SCFD1: variants seen among roughly 807,000 people sequenced by gnomAD.
The protein encoded by SCFD1 is sec1 family domain-containing protein 1.
In SCFD1, 37 loss-of-function variants were observed where a neutral mutation model predicts 103.2. The observed-to-expected ratio is 0.36, with a 90% CI of 0.28 to 0.47. SCFD1 has a LOEUF of 0.47. SCFD1 is among the 20% of genes least tolerant of loss of function. SCFD1 has a pLI of 1.00. For missense variants in SCFD1, 639 were observed against 761.2 expected (o/e 0.84, Z 1.89); for synonymous variants, 264 against 245.0 (o/e 1.08, Z -0.73).
Position 30,639,816 on chromosome 14 carries a change from G to A in SCFD1, c.475G>A (p.Asp159Asn), listed in dbSNP as rs1885087895. 6.3e-7 allele frequency: 1 copy of A among 1,579,204 alleles called. No homozygotes were observed. Among genetic ancestry groups the A allele is most frequent in the African/African-American group, 1.4e-5 (1 of 73,360 alleles). Residue 159 changes from aspartate (D) to asparagine (N), a missense_variant, in exon 6 of 25, where the codon GAT becomes AAT. By Grantham distance (23) the Asp-to-Asn change is conservative (BLOSUM62 1). Transcript: ENST00000458591. ...TCTCAATTTTATTACTTTGGAAGAT[G>A]ATATGTTTGTATTATGTAATCAAAA... is the stretch of plus-strand genomic sequence containing the variant. Reference protein sequence around the residue: ...QYLNFITLEDDMFVLCNQNKE... With the variant: ...QYLNFITLEDNMFVLCNQNKE...
chr14:30,673,734 A>T (rs17363198), intron 12 of SCFD1, among the ~76,000 whole-genome samples, 190 bp from the exon 13 acceptor site: 2,950 of 152,284 alleles, frequency 0.019, 52 homozygotes, highest in Middle Eastern at 0.034. Context: ...GGCGATTACT[A>T]GAACTTTTAT....
intron 10 of SCFD1, among the ~76,000 whole-genome samples, chr14:30,669,445 T>C (rs1888330704): frequency 6.6e-6 from 1 of 152,096 alleles, no homozygotes; most frequent in Non-Finnish European, 1.5e-5. Flanking sequence ...AACCCATAGA[T>C]GTAATGCAAG....
intron 10 of SCFD1, among the ~76,000 whole-genome samples, chr14:30,667,137 A>G (rs1428830210): frequency 6.6e-6 from 1 of 152,242 alleles, no homozygotes; most frequent in African/African-American, 2.4e-5. Context: ...CCTGATGAAC[A>G]TCAATGCGAA....
intron 14 of SCFD1, among the ~76,000 whole-genome samples, chr14:30,694,456 G>A (rs764737109): frequency 6.6e-5 from 10 of 151,986 alleles, no homozygotes; most frequent in Admixed American, 2.6e-4. Flanking sequence ...CAGATTGCTT[G>A]AGCTCAGGAG....
chr14:30,637,580 A>G (rs229161), intron 4 of SCFD1, among the ~76,000 whole-genome samples: 74,953 of 151,968 alleles, frequency 0.49, 21,487 homozygotes, highest in African/African-American at 0.79. Context: ...TCTTAGATTT[A>G]AGGAAGTATG....
At chr14:30,676,011 G>A (rs944774293) in intron 14 of SCFD1, 1 of 152,136 alleles carries the variant, frequency 6.6e-6, no homozygotes, top group African/African-American at 2.4e-5. Context: ...CAGAACTGCA[G>A]TCTGTAGGTG....
chr14:30,639,941 T>C, intron 6 of SCFD1, 77 bp downstream of exon 6: 1 of 1,440,026 alleles, frequency 6.9e-7, no homozygotes, highest in Non-Finnish European at 9.2e-7. Context: ...GTGAATATGT[T>C]TAATGGACTT....
intron 10 of SCFD1, among the ~76,000 whole-genome samples, chr14:30,655,243 A>T (rs903743876): frequency 2.0e-5 from 3 of 152,228 alleles, no homozygotes; most frequent in Non-Finnish European, 1.5e-5. Context: ...GAGGTAAGGT[A>T]GTGAATTATA....
chr14:30,706,418 T>G (rs1247287032), intron 18 of SCFD1, among the ~76,000 whole-genome samples: 1 of 152,206 alleles, frequency 6.6e-6, no homozygotes, highest in Non-Finnish European at 1.5e-5. Context: ...GGGGTACTTT[T>G]CTTTATTTTC....
intron 8 of SCFD1, among the ~76,000 whole-genome samples, chr14:30,650,050 A>T (rs73251177): frequency 0.017 from 2,533 of 152,312 alleles, 93 homozygotes; most frequent in African/African-American, 0.057. Context: ...TGAGTAAGGG[A>T]TTAGAGAAAT....
Position 30,682,448 on chromosome 14 carries a change from T to C in SCFD1, c.1242+7383T>C, listed in dbSNP as rs190176660. On this transcript the variant is annotated intron_variant, in intron 14 of 24. Coordinates refer to ENST00000458591, the MANE Select transcript of SCFD1 (RefSeq NM_016106.4). ...ATTTTTTGTAACATAATTTTTCACA[T>C]TGACAAATCCATGCATATAGTGGCA... Among the ~76,000 whole-genome samples the C allele has an allele frequency of 1.7e-3, 254 of 152,324 alleles. 2 individuals are homozygous for C. Among genetic ancestry groups the C allele is most frequent in the Middle Eastern group, 0.014 (4 of 294 alleles).
chr14:30,716,433 A>G (rs1892282275), intron 20 of SCFD1, among the ~76,000 whole-genome samples: 1 of 152,216 alleles, frequency 6.6e-6, no homozygotes, highest in African/African-American at 2.4e-5. Context: ...TAAATTGACA[A>G]TGAAATCATT....
intron 3 of SCFD1, chr14:30,631,006 C>T (rs1421822748): frequency 6.3e-6 from 1 of 159,136 alleles, no homozygotes; most frequent in Admixed American, 6.3e-5. Context: ...TCAGCATGCT[C>T]AGAATACTTA....
intron 19 of SCFD1, among the ~76,000 whole-genome samples, chr14:30,713,578 A>G (rs1373363911): frequency 6.6e-6 from 1 of 152,214 alleles, no homozygotes; most frequent in Non-Finnish European, 1.5e-5. Context: ...CTCATTTTAG[A>G]CTAAATAAAG....
intron 6 of SCFD1, among the ~76,000 whole-genome samples, chr14:30,640,398 T>A (rs1380939820): frequency 6.6e-6 from 1 of 152,166 alleles, no homozygotes; most frequent in African/African-American, 2.4e-5. Context: ...TTCACAGAAA[T>A]CTATTTACAG....
chr14:30,691,023 A>C (rs959783780), intron 14 of SCFD1, among the ~76,000 whole-genome samples: 1 of 152,214 alleles, frequency 6.6e-6, no homozygotes. Context: ...TGCTTCTCTT[A>C]GTGTTTTCTC....
At chr14:30,666,353 G>A (rs1261383717) in intron 10 of SCFD1, among the ~76,000 whole-genome samples, 1 of 152,154 alleles carries the variant, frequency 6.6e-6, no homozygotes, top group Non-Finnish European at 1.5e-5. Flanking sequence ...TGAAACCAAT[G>A]AGAACAAAGA....
In SCFD1 at chr14:30,705,724, A is replaced by G. The variant is rs532958237; in HGVS notation, c.1491-99A>G. On this transcript the variant is annotated intron_variant, in intron 17 of 24. Coordinates refer to ENST00000458591, the MANE Select transcript of SCFD1 (RefSeq NM_016106.4). ...AATTCTCTTTTCAGAAAATGTCTGC[A>G]TCATAGAAGTTAGAGTTAGTCAGTA... is the stretch of plus-strand genomic sequence containing the variant. 419 of 835,366 alleles carry G rather than the reference A, an allele frequency of 5.0e-4. No homozygotes were observed. In the African/African-American group the frequency reaches 6.6e-3, roughly 13 times the overall value. 51.7% of individuals were successfully genotyped at this position (835,366 alleles called of 1,614,324 possible).
chr14:30,699,970 C>G (rs1890967928), intron 15 of SCFD1, among the ~76,000 whole-genome samples: 1 of 152,144 alleles, frequency 6.6e-6, no homozygotes, highest in Non-Finnish European at 1.5e-5. Flanking sequence ...TAGAGATGCT[C>G]TCATAATCAC....
Sources: allele counts gnomAD v4.1 joint callset (sites outside exome capture counted in the v4.1 genomes callset), GRCh38; gene constraint gnomAD v4.1.1; transcripts MANE v1.5; gene names NCBI Gene and HGNC (gene_info 2026-07-23, HGNC 2026-07-21).